TENM2: variants seen among roughly 807,000 people sequenced by gnomAD.
TENM2 encodes teneurin-2.
Under a neutral mutation model 245.2 loss-of-function variants are expected in TENM2, and 52 were observed. The observed-to-expected ratio is 0.21, with a 90% CI of 0.17 to 0.27. TENM2 has a LOEUF of 0.27. Among genes scored for constraint, TENM2 ranks in the 10% least tolerant of loss-of-function variants. The pLI, the probability that TENM2 is intolerant of heterozygous loss-of-function variation, is 1.00. For synonymous variants in TENM2, 1,363 were observed against 1,438.9 expected, an observed-to-expected ratio of 0.95 and a Z score of 1.19; for missense variants, 3,046 against 3,666.8, an observed-to-expected ratio of 0.83 and a Z score of 4.37.
intron 2 of TENM2, among the ~76,000 whole-genome samples, chr5:167,817,859 G>A (rs1206669661): frequency 6.6e-6 from 1 of 152,142 alleles, no homozygotes; most frequent in Admixed American, 6.5e-5. Context: ...TCTGCTGGGG[G>A]CATGAATTTG....
chr5:168,122,137 C>A (rs1795509521), intron 10 of TENM2, among the ~76,000 whole-genome samples: 1 of 152,152 alleles, frequency 6.6e-6, no homozygotes, highest in African/African-American at 2.4e-5. Context: ...CTGTGCTAGG[C>A]ATGAGACACC....
At chr5:167,097,471 A>T in the TENM2 span, among the ~76,000 whole-genome samples, 10 of 152,126 alleles carry the variant, frequency 6.6e-5, no homozygotes, top group Non-Finnish European at 1.2e-4. Flanking sequence ...CAGCATAGGG[A>T]TAGTCAGAGA....
In TENM2 at chr5:167,356,230, A is replaced by AAAATT. The variant is rs1424878662; in HGVS notation, c.227-18965_227-18964insTTAAA. 1.0e-3 allele frequency among the ~76,000 whole-genome samples: 156 copies of AAAATT among 149,268 alleles called. 1 individual carries two copies. Among genetic ancestry groups the AAAATT allele is most frequent in the African/African-American group, 3.8e-3 (152 of 40,208 alleles). On this transcript the variant is annotated intron_variant, in intron 1 of 28. Coordinates refer to ENST00000518659, the Ensembl canonical transcript of TENM2. ...AAAAAAAAAAAAAAAAATTAAAATT[A>AAAATT]AAAAAAAGGCAGGAAGATGCAAGAG...
At chr5:167,311,464 CT>C (rs1229360346) in intron 1 of TENM2, among the ~76,000 whole-genome samples, 1 of 152,110 alleles carries the variant, frequency 6.6e-6, no homozygotes, top group Non-Finnish European at 1.5e-5. Context: ...GTTCATTTTA[CT>C]TTTGTCATGA....
chr5:167,042,729 A>G, the TENM2 span, among the ~76,000 whole-genome samples: 1 of 152,202 alleles, frequency 6.6e-6, no homozygotes, highest in Non-Finnish European at 1.5e-5. Context: ...TTTTTGGAAG[A>G]TGGCTGGAAG....
At chr5:167,044,363 G>GA in the TENM2 span, among the ~76,000 whole-genome samples, 4 of 152,096 alleles carry the variant, frequency 2.6e-5, no homozygotes, top group African/African-American at 9.6e-5. Context: ...CTTTGCGGAG[G>GA]AAAAAAATGT....
chr5:167,889,371 GA>G (rs1411767519), intron 3 of TENM2, among the ~76,000 whole-genome samples: 2 of 152,156 alleles, frequency 1.3e-5, no homozygotes, highest in Non-Finnish European at 2.9e-5. Flanking sequence ...ATAATTCCAC[GA>G]TGCAATTGGT....
At chr5:168,141,253 A>G (rs547418546) in intron 12 of TENM2, among the ~76,000 whole-genome samples, 1 of 152,216 alleles carries the variant, frequency 6.6e-6, no homozygotes, top group East Asian at 1.9e-4. Flanking sequence ...TCTTCCTTCT[A>G]AATTGTCTCA....
chr5:167,297,946 T>C (rs1755052370), intron 1 of TENM2, among the ~76,000 whole-genome samples: 1 of 152,074 alleles, frequency 6.6e-6, no homozygotes. Flanking sequence ...TCTTTTGTGG[T>C]GGAATGTCAT....
At chr5:167,934,829 A>T (rs190712560) in intron 3 of TENM2, 458 of 984,762 alleles carry the variant, frequency 4.7e-4, no homozygotes, top group Middle Eastern at 2.6e-3. Flanking sequence ...CATCACGGGC[A>T]GCTAGCAAAG....
intron 2 of TENM2, among the ~76,000 whole-genome samples, chr5:167,712,387 G>A (rs1335148151): frequency 6.6e-6 from 1 of 152,114 alleles, no homozygotes; most frequent in Non-Finnish European, 1.5e-5. Flanking sequence ...ATATGAATAT[G>A]AAAATGTGAG....
chr5:167,628,621 A>G (rs1778669579), intron 2 of TENM2, among the ~76,000 whole-genome samples: 1 of 152,178 alleles, frequency 6.6e-6, no homozygotes, highest in Non-Finnish European at 1.5e-5. Flanking sequence ...AATCAGGATG[A>G]CACAGTACAA....
At chr5:167,666,641 A>C (rs1396035013) in intron 2 of TENM2, among the ~76,000 whole-genome samples, 2 of 152,188 alleles carry the variant, frequency 1.3e-5, no homozygotes, top group African/African-American at 4.8e-5. Flanking sequence ...TACTCTTCAT[A>C]TATTACTAGC....
At chr5:167,654,517 T>G (rs1754704630) in intron 2 of TENM2, among the ~76,000 whole-genome samples, 1 of 152,174 alleles carries the variant, frequency 6.6e-6, no homozygotes, top group African/African-American at 2.4e-5. Flanking sequence ...GAATTTCACA[T>G]TTTGCATGGG....
chr5:167,396,119 A>G (rs1299488506), intron 2 of TENM2, among the ~76,000 whole-genome samples: 1 of 152,170 alleles, frequency 6.6e-6, no homozygotes, highest in Non-Finnish European at 1.5e-5. Flanking sequence ...TATTTATTCA[A>G]AAGAATTAAA....
chr5:167,074,605 G>A, the TENM2 span, among the ~76,000 whole-genome samples: 10 of 152,198 alleles, frequency 6.6e-5, no homozygotes, highest in South Asian at 8.3e-4. Context: ...ATAAAGGAAC[G>A]TTGACAGCAG....
At chr5:167,460,200 A>T (rs1766210024) in intron 2 of TENM2, among the ~76,000 whole-genome samples, 1 of 152,168 alleles carries the variant, frequency 6.6e-6, no homozygotes, top group Non-Finnish European at 1.5e-5. Context: ...AATTTTTCCC[A>T]ATGCAGCAGC....
chr5:167,103,932 G>A, the TENM2 span, among the ~76,000 whole-genome samples: 3 of 151,780 alleles, frequency 2.0e-5, no homozygotes, highest in Non-Finnish European at 2.9e-5. Context: ...GCTCAGCATC[G>A]TGACACCACA....
intron 2 of TENM2, among the ~76,000 whole-genome samples, chr5:167,640,522 G>A (rs1241545664): frequency 6.6e-6 from 1 of 151,324 alleles, no homozygotes; most frequent in Non-Finnish European, 1.5e-5. Context: ...GGAGGCTGAG[G>A]CAGGAGAATT....
Sources: allele counts gnomAD v4.1 joint callset (sites outside exome capture counted in the v4.1 genomes callset), GRCh38; gene constraint gnomAD v4.1.1; transcripts MANE v1.5; gene names NCBI Gene and HGNC (gene_info 2026-07-23, HGNC 2026-07-21).